SLC18A1: variants seen among roughly 807,000 people sequenced by gnomAD.
The protein encoded by SLC18A1 is solute carrier family 18 member A1, also known as chromaffin granule amine transporter.
A neutral mutation model predicts 53.7 loss-of-function variants in SLC18A1; 69 were observed. The observed-to-expected ratio is 1.28, with a 90% CI of 1.06 to 1.57. SLC18A1 has a LOEUF of 1.57. Ranked by LOEUF, SLC18A1 falls within the 40% of genes most tolerant of loss-of-function variation. The pLI, the probability that SLC18A1 is intolerant of heterozygous loss-of-function variation, is 0.00. For synonymous variants in SLC18A1, 320 were observed against 248.1 expected (o/e 1.29, Z -2.72); for missense variants, 932 against 668.1 (o/e 1.40, Z -4.35).
At chr8:20,154,681 T>C (rs1299561571) in intron 10 of SLC18A1, among the ~76,000 whole-genome samples, 1 of 152,172 alleles carries the variant, frequency 6.6e-6, no homozygotes, top group African/African-American at 2.4e-5. Context: ...TGATGACAAG[T>C]CCAGGATTTG....
intron 10 of SLC18A1, among the ~76,000 whole-genome samples, chr8:20,162,531 G>A (rs918307953): frequency 5.3e-5 from 8 of 152,216 alleles, no homozygotes; most frequent in Non-Finnish European, 1.2e-4. Flanking sequence ...AAAGCAGCCT[G>A]AAGCTTTGCT....
chr8:20,181,200 C>T (rs1284275482), intron 1 of SLC18A1, 113 bp from the exon 2 acceptor site: 5 of 359,260 alleles, frequency 1.4e-5, no homozygotes, highest in Non-Finnish European at 2.5e-5. Flanking sequence ...TACCTGGTTC[C>T]CAGAATGCCT....
intron 3 of SLC18A1, among the ~76,000 whole-genome samples, chr8:20,178,822 T>G (rs958868632): frequency 2.0e-5 from 3 of 152,136 alleles, no homozygotes; most frequent in African/African-American, 7.2e-5. Context: ...GACTGTCCCA[T>G]TCATACCCTT....
intron 8 of SLC18A1, 148 bp from the exon 9 acceptor site, chr8:20,165,255 G>A: frequency 1.4e-6 from 1 of 707,346 alleles, no homozygotes; most frequent in Non-Finnish European, 2.4e-6. Flanking sequence ...AGTACAGGGA[G>A]AGAAAGTGAC....
At chr8:20,152,746 C>G (rs1210139903) in intron 10 of SLC18A1, among the ~76,000 whole-genome samples, 1 of 152,128 alleles carries the variant, frequency 6.6e-6, no homozygotes, top group African/African-American at 2.4e-5. Context: ...AGGACTGAGC[C>G]TTGGGGGACT....
chr8:20,159,817 GATT>G (rs1346772736), intron 10 of SLC18A1, among the ~76,000 whole-genome samples: 1 of 152,078 alleles, frequency 6.6e-6, no homozygotes, highest in African/African-American at 2.4e-5. Flanking sequence ...CACTGGTCTT[GATT>G]ATTATCATCA....
At chr8:20,147,467 T>C in intron 14 of SLC18A1, 76 bp from the exon 15 acceptor site, 1 of 1,575,980 alleles carries the variant, frequency 6.3e-7, no homozygotes, top group Non-Finnish European at 8.6e-7. Context: ...GACACTATGC[T>C]AGGGGCAGTG....
At chr8:20,146,622 G>A (rs762415799) in intron 15 of SLC18A1, among the ~76,000 whole-genome samples, 5 of 151,982 alleles carry the variant, frequency 3.3e-5, no homozygotes, top group African/African-American at 4.8e-5. Flanking sequence ...TTTTAAAAAC[G>A]TGACCTGCTG....
intron 8 of SLC18A1, among the ~76,000 whole-genome samples, chr8:20,167,807 G>A (rs1470702616): frequency 6.6e-6 from 1 of 151,396 alleles, no homozygotes; most frequent in African/African-American, 2.4e-5. Context: ...ATTTTTAGTA[G>A]AGACGGGATT....
At position 20,157,320 on chromosome 8, in the gene SLC18A1, G is replaced by A. The variant is rs148852573; in HGVS notation, c.1016-6576C>T. Among the ~76,000 whole-genome samples the A allele has an allele frequency of 2.8e-3, 422 of 152,288 alleles. 15 individuals are homozygous for A. The East Asian group carries it at 0.07, about 25-fold the overall frequency. On this transcript the variant is annotated intron_variant, in intron 10 of 15. Transcript: ENST00000276373. ...AAGGGCAGCTATAATTGCAGCCTGA[G>A]AGTTTGGCGATCTCTGGTATCTCAG... is the stretch of plus-strand genomic sequence containing the variant.
At chr8:20,170,844 G>GATAA (rs527979929) in intron 8 of SLC18A1, among the ~76,000 whole-genome samples, 3 of 118,532 alleles carry the variant, frequency 2.5e-5, no homozygotes, top group Non-Finnish European at 6.2e-5. Flanking sequence ...TATATAGATA[G>GATAA]ATAGATAGAT....
In SLC18A1 at chr8:20,183,104, G is replaced by A. The variant is rs964848458; in HGVS notation, c.-165C>T. The A allele has an allele frequency of 1.3e-5, 2 of 152,198 alleles. No individual in the cohort carries two copies. Among genetic ancestry groups the A allele is most frequent in the Non-Finnish European group, 2.9e-5 (2 of 68,044 alleles). The allele number at this position is 152,198 out of a possible 1,614,324, so 9.4% of individuals were successfully genotyped here. A position where few individuals can be genotyped will look rare whatever the true frequency, so the allele number is the denominator to read the frequency against. ...GTGTGAGGCACTCAGTGAGGTATTGGCAGCTGTTAGCAAGACAGCAGGGAC... is the reference window on the plus strand; with the variant it reads ...GTGTGAGGCACTCAGTGAGGTATTGACAGCTGTTAGCAAGACAGCAGGGAC... On this transcript the variant is annotated 5_prime_UTR_variant, in exon 1 of 16. Transcript: ENST00000276373.
intron 8 of SLC18A1, among the ~76,000 whole-genome samples, chr8:20,170,444 G>C (rs2072083517): frequency 6.6e-6 from 1 of 152,138 alleles, no homozygotes; most frequent in African/African-American, 2.4e-5. Context: ...GGAATACCTT[G>C]ACAAGCTGTG....
chr8:20,179,469 G>A lies in SLC18A1; in HGVS notation c.140C>T (p.Thr47Ile), dbSNP rs371979215. 1.4e-5 allele frequency: 23 copies of A among 1,611,270 alleles called. No individual in the cohort carries two copies. The South Asian group carries it at 2.0e-4, about 14-fold the overall frequency. The part of the protein sequence containing the change: ...LFTVVVPIVP[T>I]FLYDMEFKEV... ...TTTGAACTCCATGTCATATAGGAAG[G>A]TGGGCACAATTGGCACTGAAAGTCA... The change falls in exon 3 of 16, where the codon ACC (threonine) becomes ATC (isoleucine). Residue 47 changes from threonine (T) to isoleucine (I), a missense_variant. Coordinates refer to ENST00000276373, the MANE Select transcript of SLC18A1 (RefSeq NM_003053.4).
In SLC18A1 at chr8:20,145,258, T is replaced by C. The variant is rs1451655875; in HGVS notation, c.*505A>G. On this transcript the variant is annotated 3_prime_UTR_variant, in exon 16 of 16. Transcript: ENST00000276373. ...AAAAACAAAACAAAACTCTTCAAGC[T>C]GGCATTTGGCAGCAAGACAATGCTG... 1 of 151,776 alleles carries C rather than the reference T, an allele frequency of 6.6e-6. No homozygotes were observed. The highest frequency in any genetic ancestry group is 1.5e-5 in the Non-Finnish European group (1 of 68,018). The allele number at this position is 151,776 out of a possible 1,614,324, so 9.4% of individuals were successfully genotyped here. A position where few individuals can be genotyped will look rare whatever the true frequency, so the allele number is the denominator to read the frequency against.
intron 13 of SLC18A1, 107 bp from the exon 14 acceptor site, chr8:20,147,829 G>A (rs12545707): frequency 0.23 from 352,965 of 1,516,526 alleles, 44,245 homozygotes; most frequent in Non-Finnish European, 0.26. Context: ...CTTCTGCCTC[G>A]GACTAACACC....
At chr8:20,182,794 A>G (rs2270644) in intron 1 of SLC18A1, among the ~76,000 whole-genome samples, 34,069 of 152,174 alleles carry the variant, frequency 0.22, 4,093 homozygotes, top group Middle Eastern at 0.32. Context: ...ATTTCTCTAT[A>G]TAAAGGAGGT....
At chr8:20,148,780 A>G (rs2071471445) in intron 12 of SLC18A1, among the ~76,000 whole-genome samples, 1 of 152,194 alleles carries the variant, frequency 6.6e-6, no homozygotes, top group Admixed American at 6.5e-5. Context: ...GCTGGCTGAT[A>G]ACAATTTTTA....
intron 8 of SLC18A1, among the ~76,000 whole-genome samples, chr8:20,166,665 T>C (rs1400808694): frequency 4.6e-5 from 7 of 151,384 alleles, no homozygotes; most frequent in Non-Finnish European, 8.8e-5. Context: ...TAATGTCCTA[T>C]ATATTAAAAA....
Sources: allele counts gnomAD v4.1 joint callset (sites outside exome capture counted in the v4.1 genomes callset), GRCh38; gene constraint gnomAD v4.1.1; transcripts MANE v1.5; gene names NCBI Gene and HGNC (gene_info 2026-07-23, HGNC 2026-07-21).